SGIP1: variants seen among roughly 807,000 people sequenced by gnomAD.
SGIP1 encodes SH3-containing GRB2-like protein 3-interacting protein 1.
Under a neutral mutation model 107.5 loss-of-function variants are expected in SGIP1, and 38 were observed. The ratio of observed to expected loss-of-function variants is 0.35; its 90% CI spans 0.27 to 0.46. SGIP1 has a LOEUF of 0.46. Among genes scored for constraint, SGIP1 ranks in the 20% least tolerant of loss-of-function variants. The pLI, the probability that SGIP1 is intolerant of heterozygous loss-of-function variation, is 1.00. For synonymous variants in SGIP1, 365 were observed against 366.1 expected (o/e 1.00, Z 0.03); for missense variants, 929 against 1,019.5 (o/e 0.91, Z 1.21).
intron 1 of SGIP1, among the ~76,000 whole-genome samples, chr1:66,560,174 C>T (rs2058726842): frequency 6.6e-6 from 1 of 152,012 alleles, no homozygotes; most frequent in Non-Finnish European, 1.5e-5. Context: ...TGAAGCTGAC[C>T]TCTAAATATT....
At chr1:66,622,854 A>G (rs1280623886) in intron 1 of SGIP1, among the ~76,000 whole-genome samples, 1 of 152,204 alleles carries the variant, frequency 6.6e-6, no homozygotes, top group Non-Finnish European at 1.5e-5. Flanking sequence ...TTGGTAAAAA[A>G]TAGTTGACAA....
At chr1:66,589,216 ATG>A (rs1477899813) in intron 1 of SGIP1, among the ~76,000 whole-genome samples, 2 of 96,420 alleles carry the variant, frequency 2.1e-5, no homozygotes, top group Non-Finnish European at 4.2e-5. Flanking sequence ...ATATATATAT[ATG>A]TAAGGCTTGG....
At chr1:66,658,553 A>T (rs1181435486) in intron 7 of SGIP1, among the ~76,000 whole-genome samples, 3 of 152,232 alleles carry the variant, frequency 2.0e-5, no homozygotes, top group Non-Finnish European at 4.4e-5. Flanking sequence ...ACTGTGCTTC[A>T]AACATTTGTA....
At chr1:66,717,083 T>G (rs1329119140) in intron 18 of SGIP1, among the ~76,000 whole-genome samples, 1 of 152,182 alleles carries the variant, frequency 6.6e-6, no homozygotes, top group Non-Finnish European at 1.5e-5. Context: ...CAAGCATCAT[T>G]AAGTGCTTTC....
At chr1:66,717,513 G>C (rs1490950765) in intron 18 of SGIP1, among the ~76,000 whole-genome samples, 6 of 152,114 alleles carry the variant, frequency 3.9e-5, no homozygotes, top group Non-Finnish European at 7.4e-5. Flanking sequence ...TAATGCCATT[G>C]TTCCTTCCTT....
chr1:66,700,819 T>TAA (rs536302758), intron 18 of SGIP1, among the ~76,000 whole-genome samples: 20 of 152,200 alleles, frequency 1.3e-4, no homozygotes, highest in Non-Finnish European at 2.9e-4. Flanking sequence ...AACCAGCCTT[T>TAA]GACCCCACTG....
At chr1:66,684,236 AC>A (rs1350161195) in intron 15 of SGIP1, 5 of 1,550,070 alleles carry the variant, frequency 3.2e-6, no homozygotes, top group Non-Finnish European at 4.4e-6. Context: ...CTCTCCAGGC[AC>A]TTTTGTAAGG....
chr1:66,679,057 C>T (rs1364398288), intron 13 of SGIP1, among the ~76,000 whole-genome samples: 1 of 152,236 alleles, frequency 6.6e-6, no homozygotes, highest in Non-Finnish European at 1.5e-5. Flanking sequence ...GACCATGATA[C>T]TTGATTTGGC....
Position 66,682,273 on chromosome 1 carries a change from C to G in SGIP1, c.1219C>G (p.Gln407Glu), listed in dbSNP as rs2086899997. ...ISSPKDFGLG[Q>E]RATPPPPPPP... ...ATCTCCTAAAGATTTTGGGTTGGGA[C>G]AAAGAGCAACTCCACCTCCCCCACC... Residue 407 changes from glutamine (Q) to glutamate (E), a missense_variant, in exon 15 of 25, where the codon CAA becomes GAA. This residue lies in a region of SGIP1 where 588 missense variants were observed against 588.6 expected (regional missense o/e 1.00). Coordinates refer to ENST00000371037, the MANE Select transcript of SGIP1 (RefSeq NM_032291.4). The G allele has an allele frequency of 6.2e-7, 1 of 1,614,090 alleles. No homozygotes were observed. Among genetic ancestry groups the G allele is most frequent in the South Asian group, 1.1e-5 (1 of 91,088 alleles).
intron 19 of SGIP1, among the ~76,000 whole-genome samples, chr1:66,725,627 C>A (rs1409941240): frequency 3.9e-5 from 6 of 152,234 alleles, no homozygotes; most frequent in Non-Finnish European, 8.8e-5. Context: ...ATTTACCCTT[C>A]TACCTCAAAC....
intron 2 of SGIP1, among the ~76,000 whole-genome samples, chr1:66,632,038 C>T (rs2074878453): frequency 6.6e-6 from 1 of 152,162 alleles, no homozygotes; most frequent in Admixed American, 6.6e-5. Context: ...GCCCTAAAGT[C>T]CAGTGTGGCT....
chr1:66,590,127 A>G (rs1349448044), intron 1 of SGIP1, among the ~76,000 whole-genome samples: 1 of 152,210 alleles, frequency 6.6e-6, no homozygotes, highest in African/African-American at 2.4e-5. Flanking sequence ...TCAGTCACAT[A>G]AGGATAAGAG....
chr1:66,673,763 C>T (rs895525244), intron 12 of SGIP1, among the ~76,000 whole-genome samples: 2 of 152,138 alleles, frequency 1.3e-5, no homozygotes, highest in African/African-American at 4.8e-5. Context: ...GTGTGGCCTC[C>T]CTGACCATCT....
chr1:66,579,255 A>G (rs2061492647), intron 1 of SGIP1, among the ~76,000 whole-genome samples: 1 of 152,316 alleles, frequency 6.6e-6, no homozygotes, highest in South Asian at 2.1e-4. Context: ...TCCCGAAGCT[A>G]CATGTACTCA....
At position 66,667,525 on chromosome 1, in the gene SGIP1, C is replaced by T; in HGVS notation, c.472-5C>T. ...CTGTTCTCTCTTCCTTTTTGCTGAT[C>T]ACAGAGGCGCAGCCCGGTAAGAACT... On this transcript the variant is annotated splice_polypyrimidine_tract_variant and splice_region_variant and intron_variant, in intron 8 of 24. Coordinates refer to ENST00000371037, the MANE Select transcript of SGIP1 (RefSeq NM_032291.4). The T allele has an allele frequency of 6.2e-7, 1 of 1,613,530 alleles. No individual in the cohort carries two copies. Among genetic ancestry groups the T allele is most frequent in the Non-Finnish European group, 8.5e-7 (1 of 1,179,590 alleles).
chr1:66,691,022 G>A (rs917507172), intron 17 of SGIP1, among the ~76,000 whole-genome samples: 2 of 152,204 alleles, frequency 1.3e-5, no homozygotes, highest in South Asian at 2.1e-4. Flanking sequence ...TCCAAAGCTG[G>A]TCTCTCTCTT....
intron 1 of SGIP1, among the ~76,000 whole-genome samples, chr1:66,573,730 G>C (rs2060697101): frequency 6.6e-6 from 1 of 152,008 alleles, no homozygotes; most frequent in Admixed American, 6.6e-5. Context: ...ACGCAGAGGG[G>C]AACAACATGC....
chr1:66,688,262 T>C (rs569740915), intron 15 of SGIP1, among the ~76,000 whole-genome samples: 4 of 152,360 alleles, frequency 2.6e-5, no homozygotes, highest in Non-Finnish European at 5.9e-5. Flanking sequence ...GGTTTGAACG[T>C]TGATTTGACT....
chr1:66,650,303 T>A (rs1415212092), intron 7 of SGIP1, among the ~76,000 whole-genome samples: 1 of 152,170 alleles, frequency 6.6e-6, no homozygotes, highest in African/African-American at 2.4e-5. Context: ...TATTGAAGGC[T>A]AACATTCACA....
Sources: gnomAD v4.1 joint callset for allele counts (sites outside exome capture counted in the v4.1 genomes callset) on GRCh38, gnomAD v4.1.1 for gene constraint, gnomAD v4.1.1 regional missense constraint, MANE v1.5 for transcripts, NCBI Gene and HGNC (gene_info 2026-07-23, HGNC 2026-07-21) for gene names.